Variants in FBXL4 observed in about 807,000 individuals in gnomAD.
The protein encoded by FBXL4 is F-box/LRR-repeat protein 4.
A neutral mutation model predicts 58.9 loss-of-function variants in FBXL4; 40 were observed. That is an observed-to-expected ratio of 0.68 (90% CI 0.53 to 0.88). FBXL4 has a LOEUF of 0.88. FBXL4 is among the 40% of genes least tolerant of loss of function. The pLI is 0.00. For synonymous variants in FBXL4, 263 were observed against 265.5 expected, an observed-to-expected ratio of 0.99 and a Z score of 0.09; for missense variants, 676 against 734.4, an observed-to-expected ratio of 0.92 and a Z score of 0.92.
intron 7 of FBXL4, among the ~76,000 whole-genome samples, chr6:98,885,800 T>C (rs1329598144): frequency 3.3e-5 from 5 of 152,246 alleles, no homozygotes; most frequent in Non-Finnish European, 1.5e-5. Context: ...TAAATATCTT[T>C]ATCTCCTATT....
intron 5 of FBXL4, 23 bp from the exon 6 acceptor site, chr6:98,905,693 G>A: frequency 6.2e-7 from 1 of 1,606,868 alleles, no homozygotes; most frequent in Non-Finnish European, 8.5e-7. Flanking sequence ...GAGAAACCAA[G>A]ATCATCAAGA....
chr6:98,875,971 A>T (rs1365739765), intron 8 of FBXL4, among the ~76,000 whole-genome samples: 1 of 152,220 alleles, frequency 6.6e-6, no homozygotes, highest in Non-Finnish European at 1.5e-5. Flanking sequence ...TAATGAATTA[A>T]ATCCCAAAGC....
At chr6:98,910,032 T>G (rs189029962) in intron 5 of FBXL4, among the ~76,000 whole-genome samples, 186 of 152,378 alleles carry the variant, frequency 1.2e-3, no homozygotes, top group African/African-American at 4.3e-3. Context: ...AAGCTATTTG[T>G]GTTATTTCCA....
chr6:98,892,704 GA>G (rs1254478061), intron 7 of FBXL4, among the ~76,000 whole-genome samples: 3 of 151,890 alleles, frequency 2.0e-5, no homozygotes, highest in Non-Finnish European at 2.9e-5. Flanking sequence ...GGCACAGAAA[GA>G]AAAAAATAGG....
intron 5 of FBXL4, among the ~76,000 whole-genome samples, chr6:98,906,850 A>G (rs1038617712): frequency 2.0e-5 from 3 of 152,102 alleles, no homozygotes; most frequent in African/African-American, 7.2e-5. Flanking sequence ...CTGACTTTTT[A>G]ATGATCACCA....
chr6:98,906,545 C>T (rs1562231557), intron 5 of FBXL4, among the ~76,000 whole-genome samples: 1 of 152,106 alleles, frequency 6.6e-6, no homozygotes, highest in Non-Finnish European at 1.5e-5. Context: ...TACATATGTG[C>T]CACATTTTCT....
At chr6:98,914,736 G>A (rs1772263651) in intron 5 of FBXL4, among the ~76,000 whole-genome samples, 1 of 152,140 alleles carries the variant, frequency 6.6e-6, no homozygotes, top group Admixed American at 6.5e-5. Flanking sequence ...AAAACTGGAA[G>A]CATTCCCTTT....
intron 5 of FBXL4, among the ~76,000 whole-genome samples, chr6:98,916,830 TAA>T (rs11419555): frequency 1.5e-5 from 2 of 129,626 alleles, no homozygotes; most frequent in Non-Finnish European, 1.7e-5. Flanking sequence ...AAAAAAAAAC[TAA>T]AAAAAAAAAA....
chr6:98,911,224 C>A (rs1772049124), intron 5 of FBXL4, among the ~76,000 whole-genome samples: 1 of 152,182 alleles, frequency 6.6e-6, no homozygotes, highest in Non-Finnish European at 1.5e-5. Context: ...GCCTACCTGC[C>A]TCTGTAGGCT....
At chr6:98,921,593 A>T (rs1445753854) in intron 4 of FBXL4, among the ~76,000 whole-genome samples, 1 of 152,088 alleles carries the variant, frequency 6.6e-6, no homozygotes, top group Non-Finnish European at 1.5e-5. Context: ...TTAAAAAAAG[A>T]ATTAACCAGT....
chr6:98,911,185 C>A (rs573847906), intron 5 of FBXL4, among the ~76,000 whole-genome samples: 2 of 152,236 alleles, frequency 1.3e-5, no homozygotes, highest in Admixed American at 1.3e-4. Context: ...GAAGCTCAAA[C>A]TGGGTGGAGC....
At chr6:98,931,889 A>G (rs951974594) in intron 2 of FBXL4, among the ~76,000 whole-genome samples, 5 of 152,248 alleles carry the variant, frequency 3.3e-5, no homozygotes. Context: ...CAGAAGTCCA[A>G]ATTGTCCAGG....
chr6:98,874,371 A>G lies in FBXL4; in HGVS notation c.1773T>C (p.Asp591=), dbSNP rs776141903. ...LESCKDLSLL[D]VSFCSQIDNR... is the part of the protein sequence containing the mutation. ...TATCAATCTGCGAACAGAAGGACAC[A>G]TCAAGTAAAGAAAGATCTTTACAAG... The change falls in exon 10 of 10, where the codon GAT becomes GAC. Residue 591 remains aspartate (D), a synonymous_variant. Coordinates refer to ENST00000369244, the MANE Select transcript of FBXL4 (RefSeq NM_001278716.2). 1 of 1,613,452 alleles carries G rather than the reference A, an allele frequency of 6.2e-7. No individual in the cohort carries two copies. The highest frequency in any genetic ancestry group is 8.5e-7 in the Non-Finnish European group (1 of 1,179,706).
chr6:98,933,689 G>C (rs183181896), intron 2 of FBXL4, among the ~76,000 whole-genome samples: 2 of 152,324 alleles, frequency 1.3e-5, no homozygotes, highest in East Asian at 3.9e-4. Flanking sequence ...CCCAAGTTCG[G>C]AGAACATGCC....
chr6:98,929,571 CAAAA>C (rs1169039097), intron 2 of FBXL4, among the ~76,000 whole-genome samples: 1 of 90,726 alleles, frequency 1.1e-5, no homozygotes, highest in African/African-American at 3.9e-5. Context: ...AACTCCGTCT[CAAAA>C]AAAAAAAAAA....
intron 7 of FBXL4, among the ~76,000 whole-genome samples, chr6:98,894,136 G>T (rs2128386645): frequency 6.6e-6 from 1 of 152,224 alleles, no homozygotes; most frequent in East Asian, 1.9e-4. Flanking sequence ...CAAAGTGCTG[G>T]GATTACAGGC....
At chr6:98,943,093 A>G (rs1443176134) in intron 1 of FBXL4, among the ~76,000 whole-genome samples, 1 of 151,564 alleles carries the variant, frequency 6.6e-6, no homozygotes, top group Non-Finnish European at 1.5e-5. Context: ...AATAAGGTCT[A>G]TAGATTGTAT....
At chr6:98,916,924 T>C (rs1215011065) in intron 5 of FBXL4, among the ~76,000 whole-genome samples, 1 of 150,334 alleles carries the variant, frequency 6.7e-6, no homozygotes, top group Non-Finnish European at 1.5e-5. Context: ...AGAGTTAGTA[T>C]AGAAAAAAAA....
Position 98,874,178 on chromosome 6 carries a change from T to C in FBXL4, c.*100A>G, listed in dbSNP as rs1770569942. 1 of 860,550 alleles carries C rather than the reference T, an allele frequency of 1.2e-6. No homozygotes were observed. Among genetic ancestry groups the C allele is most frequent in the East Asian group, 2.9e-5 (1 of 34,774 alleles). 53.3% of individuals were successfully genotyped at this position (860,550 alleles called of 1,614,324 possible). The stretch of plus-strand genomic sequence containing the variant: ...TTTTCTTTAAAATCTACAAATGTCT[T>C]AATTCTTACCATTAAAACAACTAAA... On this transcript the variant is annotated 3_prime_UTR_variant, in exon 10 of 10. Coordinates refer to ENST00000369244, the MANE Select transcript of FBXL4 (RefSeq NM_001278716.2).
Sources: allele counts gnomAD v4.1 joint callset (sites outside exome capture counted in the v4.1 genomes callset), GRCh38; gene constraint gnomAD v4.1.1; transcripts MANE v1.5; gene names NCBI Gene and HGNC (gene_info 2026-07-23, HGNC 2026-07-21).